Variants in SNX27 observed in about 807,000 individuals in gnomAD.
The protein encoded by SNX27 is sorting nexin-27.
A neutral mutation model predicts 71.6 loss-of-function variants in SNX27; 22 were observed. The observed-to-expected ratio is 0.31, with a 90% CI of 0.22 to 0.44. SNX27 has a LOEUF of 0.44. Ranked by LOEUF, SNX27 falls within the 20% of genes least tolerant of loss-of-function variation. The pLI is 1.00. For missense variants in SNX27, 531 were observed against 698.6 expected (o/e 0.76, Z 2.70); for synonymous variants, 269 against 277.2 (o/e 0.97, Z 0.29).
At chr1:151,692,406 CTTTTTTTT>C (rs61159507) in intron 8 of SNX27, 21 bp from the exon 9 acceptor site, 33 of 854,462 alleles carry the variant, frequency 3.9e-5, no homozygotes, top group East Asian at 2.5e-4. Flanking sequence ...TTTCTCCTTC[CTTTTTTTT>C]TTTTTTTTTT....
intron 7 of SNX27, among the ~76,000 whole-genome samples, chr1:151,674,922 G>A (rs1670608584): frequency 1.3e-5 from 2 of 152,098 alleles, no homozygotes; most frequent in South Asian, 4.2e-4. Context: ...TCTTGACCTT[G>A]TGATCTGCCC....
At chr1:151,638,398 C>G (rs1469340481) in intron 1 of SNX27, among the ~76,000 whole-genome samples, 1 of 152,084 alleles carries the variant, frequency 6.6e-6, no homozygotes, top group African/African-American at 2.4e-5. Flanking sequence ...TATCTTCAGT[C>G]ATAACTTTTT....
intron 7 of SNX27, chr1:151,678,116 G>A (rs1175641487): frequency 6.6e-6 from 1 of 151,892 alleles, no homozygotes; most frequent in Non-Finnish European, 1.5e-5. Flanking sequence ...CCATAATCTT[G>A]AACGTCTGAC....
At chr1:151,625,919 G>A (rs931379542) in intron 1 of SNX27, among the ~76,000 whole-genome samples, 2 of 151,676 alleles carry the variant, frequency 1.3e-5, no homozygotes, top group Non-Finnish European at 2.9e-5. Context: ...CTGCATTCCA[G>A]AGCTTGGGCA....
intron 2 of SNX27, among the ~76,000 whole-genome samples, chr1:151,656,286 A>G (rs1307090448): frequency 1.3e-5 from 2 of 152,118 alleles, no homozygotes; most frequent in Non-Finnish European, 2.9e-5. Context: ...ATACACACAA[A>G]TGAAACAGAT....
chr1:151,672,704 A>G (rs558493666), intron 7 of SNX27, among the ~76,000 whole-genome samples: 11 of 152,036 alleles, frequency 7.2e-5, no homozygotes, highest in African/African-American at 2.4e-4. Context: ...GGATTTCTTC[A>G]TGGTTCAATC....
At chr1:151,628,344 C>G (rs1057506540) in intron 1 of SNX27, among the ~76,000 whole-genome samples, 7 of 152,140 alleles carry the variant, frequency 4.6e-5, no homozygotes, top group African/African-American at 1.7e-4. Context: ...CTTTTAGAGG[C>G]ATAATACTCA....
chr1:151,665,019 T>A (rs1236848006), intron 5 of SNX27, among the ~76,000 whole-genome samples: 2 of 152,204 alleles, frequency 1.3e-5, no homozygotes, highest in Non-Finnish European at 2.9e-5. Flanking sequence ...AACCTAGGCC[T>A]CATATGTGAG....
chr1:151,690,456 T>G (rs1671385797), intron 8 of SNX27, among the ~76,000 whole-genome samples: 1 of 152,188 alleles, frequency 6.6e-6, no homozygotes, highest in Non-Finnish European at 1.5e-5. Flanking sequence ...TATTTCTTGT[T>G]TTGAGACAGG....
rs1256024719 is a variant in SNX27, at chr1:151,658,397, C to T, written c.706C>T (p.Arg236Cys). 3.7e-6 allele frequency: 6 copies of T among 1,613,892 alleles called. No homozygotes were observed. Among genetic ancestry groups the T allele is most frequent in the African/African-American group, 1.3e-5 (1 of 74,882 alleles). Residue 236 changes from arginine to cysteine, a missense_variant, in exon 3 of 12, where the codon CGT (arginine) becomes TGT (cysteine). Physicochemically the swap from Arg to Cys is radical, Grantham distance 180 (BLOSUM62 -3). Coordinates refer to ENST00000458013, the MANE Select transcript of SNX27 (RefSeq NM_001330723.2). The stretch of plus-strand genomic sequence containing the variant: ...ATCAGAACAACAATTAGATGCCCGA[C>T]GTCGGGGATTGGAAGAATATCTAGA... ...SLSEQQLDAR[R>C]RGLEEYLEKV...
At chr1:151,646,504 G>T (rs1571807894) in intron 2 of SNX27, among the ~76,000 whole-genome samples, 3 of 149,554 alleles carry the variant, frequency 2.0e-5, no homozygotes, top group Non-Finnish European at 4.4e-5. Flanking sequence ...GTTTTATTAG[G>T]TATAATTTGT....
intron 9 of SNX27, 34 bp from the exon 10 acceptor site, chr1:151,692,877 G>C (rs1172150382): frequency 6.2e-7 from 1 of 1,613,832 alleles, no homozygotes; most frequent in South Asian, 1.1e-5. Context: ...CTGAAACACA[G>C]ACTGTACCTT....
intron 2 of SNX27, among the ~76,000 whole-genome samples, chr1:151,654,406 C>G (rs550883998): frequency 3.3e-5 from 5 of 152,130 alleles, no homozygotes; most frequent in Admixed American, 1.3e-4. Flanking sequence ...CTTGGGAAAG[C>G]GTTTCCTGTC....
Position 151,640,522 on chromosome 1 carries a change from G to A in SNX27, c.543+1403G>A, listed in dbSNP as rs182769307. Among the ~76,000 whole-genome samples, 481 of 152,052 alleles carry A rather than the reference G, an allele frequency of 3.2e-3. 3 individuals are homozygous for A. Among genetic ancestry groups the A allele is most frequent in the East Asian group, 0.023 (119 of 5,170 alleles). ...CCCAAGTAGCTGGGATTACAGGTGC[G>A]CACCACCATGCCCTGCTAAGTTTTG... is the stretch of plus-strand genomic sequence containing the variant. On this transcript the variant is annotated intron_variant, in intron 2 of 11. Coordinates refer to ENST00000458013, the MANE Select transcript of SNX27 (RefSeq NM_001330723.2).
At chr1:151,665,842 C>T (rs913558141) in intron 5 of SNX27, 91 bp from the exon 6 acceptor site, 3 of 1,017,750 alleles carry the variant, frequency 2.9e-6, no homozygotes, top group East Asian at 5.0e-5. Context: ...AACCTCTCCC[C>T]TTTCCCTCCT....
At chr1:151,679,126 GTAT>G (rs1670828624) in intron 7 of SNX27, 2 of 152,034 alleles carry the variant, frequency 1.3e-5, no homozygotes, top group South Asian at 4.1e-4. Context: ...AATTATTTTT[GTAT>G]CATATTTTGA....
intron 1 of SNX27, chr1:151,613,807 C>T (rs1219071716): frequency 1.3e-5 from 2 of 152,152 alleles, no homozygotes; most frequent in Non-Finnish European, 2.9e-5. Flanking sequence ...GGTGTGTGCT[C>T]GCGTTGTCTC....
chr1:151,623,647 G>A (rs1341137827), intron 1 of SNX27, among the ~76,000 whole-genome samples: 1 of 150,652 alleles, frequency 6.6e-6, no homozygotes, highest in Admixed American at 6.6e-5. Flanking sequence ...TGATCCTCCC[G>A]TCTCGGCCTC....
At chr1:151,620,013 G>A (rs1312831160) in intron 1 of SNX27, among the ~76,000 whole-genome samples, 1 of 152,176 alleles carries the variant, frequency 6.6e-6, no homozygotes, top group Admixed American at 6.5e-5. Context: ...GCTCATACAA[G>A]GCTTTTAAAC....
Sources: gnomAD v4.1 joint callset for allele counts (sites outside exome capture counted in the v4.1 genomes callset) on GRCh38, gnomAD v4.1.1 for gene constraint, MANE v1.5 for transcripts, NCBI Gene and HGNC (gene_info 2026-07-23, HGNC 2026-07-21) for gene names.